The following WWOX variants were observed in gnomAD, a reference collection of about 807,000 sequenced individuals.
The protein encoded by WWOX is WW domain-containing oxidoreductase.
In WWOX, 69 loss-of-function variants were observed where a neutral mutation model predicts 46.2. That is an observed-to-expected ratio of 1.49 (90% CI 1.23 to 1.82). The LOEUF (loss-of-function observed/expected upper bound fraction) is 1.82, where lower values mean the gene tolerates loss of function less well. Among genes scored for constraint, WWOX ranks in the 40% most tolerant of loss-of-function variants. The pLI is 0.00. For synonymous variants in WWOX, 359 were observed against 202.6 expected (o/e 1.77, Z -6.56); for missense variants, 919 against 542.6 (o/e 1.69, Z -6.89).
chr16:78,623,334 T>G (rs1477258274), intron 8 of WWOX, among the ~76,000 whole-genome samples: 6 of 152,194 alleles, frequency 3.9e-5, no homozygotes, highest in Non-Finnish European at 8.8e-5. Flanking sequence ...AAGTTCTAAG[T>G]TACTCACCAG....
At chr16:78,788,829 G>T (rs2050521723) in intron 8 of WWOX, among the ~76,000 whole-genome samples, 1 of 152,118 alleles carries the variant, frequency 6.6e-6, no homozygotes, top group African/African-American at 2.4e-5. Context: ...GCAGTCTTGG[G>T]GACTGAGCCT....
intron 8 of WWOX, among the ~76,000 whole-genome samples, chr16:78,952,736 C>G (rs1027738065): frequency 7.2e-5 from 11 of 152,084 alleles, no homozygotes; most frequent in African/African-American, 1.4e-4. Flanking sequence ...CAGTACGCTC[C>G]GTAGGGCATG....
chr16:78,321,329 TATATATGCGTATATATATAC>T lies in WWOX; in HGVS notation c.517-65530_517-65511del, dbSNP rs1489990286. On this transcript the variant is annotated intron_variant, in intron 5 of 8. Transcript: ENST00000566780. ...GTATATATATGCGTATATATATACG[TATATATGCGTATATATATAC>T]GTATATATGCGTATATATATACGTA... 1.1e-4 allele frequency among the ~76,000 whole-genome samples: 8 copies of T among 71,662 alleles called. 1 individual carries two copies. The highest frequency in any genetic ancestry group is 1.4e-3 in the East Asian group (2 of 1,444). The allele number at this position is 71,662 out of a possible 152,430, so 47.0% of individuals were successfully genotyped here.
intron 8 of WWOX, among the ~76,000 whole-genome samples, chr16:78,826,361 A>G (rs1303690408): frequency 6.6e-6 from 1 of 152,210 alleles, no homozygotes; most frequent in Admixed American, 6.5e-5. Context: ...CAACAGCAAC[A>G]GAAATGTATT....
At position 78,437,679 on chromosome 16, in the gene WWOX, A is replaced by G. The variant is rs1451714664; in HGVS notation, c.1056+4927A>G. ...ATTTATGGTGAAATAAAAATCACAG[A>G]TAAACTTGGAAAGTGAGTTATTTTT... On this transcript the variant is annotated intron_variant, in intron 8 of 8. Coordinates refer to ENST00000566780, the MANE Select transcript of WWOX (RefSeq NM_016373.4). Among the ~76,000 whole-genome samples, 16 of 152,328 alleles carry G rather than the reference A, an allele frequency of 1.1e-4. No homozygotes were observed. In the East Asian group the frequency reaches 2.9e-3, roughly 28 times the overall value.
intron 8 of WWOX, among the ~76,000 whole-genome samples, chr16:78,688,368 T>C (rs1385292160): frequency 1.5e-5 from 2 of 132,986 alleles, no homozygotes; most frequent in African/African-American, 5.9e-5. Context: ...ATCAGTTACT[T>C]TAAAAAAAAA....
intron 8 of WWOX, among the ~76,000 whole-genome samples, chr16:78,675,905 G>A (rs568194084): frequency 5.3e-5 from 8 of 152,104 alleles, no homozygotes; most frequent in African/African-American, 1.7e-4. Flanking sequence ...TTTGGAAAAT[G>A]TAAGAAGTCA....
chr16:78,476,713 G>C (rs1463721885), intron 8 of WWOX, among the ~76,000 whole-genome samples: 1 of 152,150 alleles, frequency 6.6e-6, no homozygotes, highest in Non-Finnish European at 1.5e-5. Context: ...TAAATTATAA[G>C]CTAGCTAATT....
At chr16:78,904,875 AGAAGC>A (rs1166942187) in intron 8 of WWOX, among the ~76,000 whole-genome samples, 1 of 152,220 alleles carries the variant, frequency 6.6e-6, no homozygotes, top group African/African-American at 2.4e-5. Flanking sequence ...CTCCTTTTAA[AGAAGC>A]ACACACACCT....
At chr16:79,123,394 C>A (rs188119169) in intron 8 of WWOX, among the ~76,000 whole-genome samples, 81 of 152,270 alleles carry the variant, frequency 5.3e-4, no homozygotes, top group Non-Finnish European at 6.8e-4. Context: ...CGTAACTCCC[C>A]AGGTTTTCGG....
At chr16:78,664,306 C>A (rs1237461020) in intron 8 of WWOX, among the ~76,000 whole-genome samples, 1 of 152,206 alleles carries the variant, frequency 6.6e-6, no homozygotes, top group Non-Finnish European at 1.5e-5. Flanking sequence ...CACCCTGACT[C>A]CCAGTGTGGG....
chr16:78,229,974 G>C (rs1436249976), intron 5 of WWOX, among the ~76,000 whole-genome samples: 3 of 152,110 alleles, frequency 2.0e-5, no homozygotes, highest in African/African-American at 7.2e-5. Context: ...CGACCTCTGG[G>C]GCTCAAGCGA....
At chr16:78,258,721 A>C (rs1049803251) in intron 5 of WWOX, among the ~76,000 whole-genome samples, 8 of 151,464 alleles carry the variant, frequency 5.3e-5, no homozygotes, top group African/African-American at 1.9e-4. Flanking sequence ...AAAAAAAAAA[A>C]AAAAAAAAAA....
At chr16:78,502,800 T>C (rs11150082) in intron 8 of WWOX, among the ~76,000 whole-genome samples, 100,792 of 152,070 alleles carry the variant, frequency 0.66, 36,848 homozygotes, top group East Asian at 0.83. Context: ...GGGGCTGGGA[T>C]ACGTTGGTGA....
At chr16:78,713,840 T>TG (rs34166450) in intron 8 of WWOX, among the ~76,000 whole-genome samples, 2,236 of 152,284 alleles carry the variant, frequency 0.015, 22 homozygotes, top group South Asian at 0.037. Context: ...TCCCATTCTC[T>TG]GGGGAAACAG....
At chr16:78,620,268 T>C (rs1325767348) in intron 8 of WWOX, among the ~76,000 whole-genome samples, 1 of 152,194 alleles carries the variant, frequency 6.6e-6, no homozygotes, top group Admixed American at 6.5e-5. Flanking sequence ...TTTGTTAAGG[T>C]ACAGAAGAGG....
chr16:78,486,495 T>C (rs1460860480), intron 8 of WWOX, among the ~76,000 whole-genome samples: 2 of 152,194 alleles, frequency 1.3e-5, no homozygotes, highest in Non-Finnish European at 2.9e-5. Context: ...AGTTTAGCAG[T>C]GTGCTCTCTT....
intron 8 of WWOX, among the ~76,000 whole-genome samples, chr16:78,615,799 G>A (rs1449329788): frequency 6.6e-6 from 1 of 150,838 alleles, no homozygotes; most frequent in African/African-American, 2.4e-5. Context: ...TGCCCAGGCT[G>A]GAGTGCAGTG....
intron 8 of WWOX, among the ~76,000 whole-genome samples, chr16:78,460,005 C>G (rs1717969540): frequency 6.6e-6 from 1 of 151,472 alleles, no homozygotes. Flanking sequence ...GGGTTTTTCA[C>G]CATGTTGTTC....
Sources: allele counts gnomAD v4.1 joint callset (sites outside exome capture counted in the v4.1 genomes callset), GRCh38; gene constraint gnomAD v4.1.1; transcripts MANE v1.5; gene names NCBI Gene and HGNC (gene_info 2026-07-23, HGNC 2026-07-21).